APP: variants seen among roughly 807,000 people sequenced by gnomAD.
APP encodes amyloid-beta precursor protein.
A neutral mutation model predicts 101.4 loss-of-function variants in APP; 31 were observed. The ratio of observed to expected loss-of-function variants is 0.31; its 90% CI spans 0.23 to 0.41. APP has a LOEUF of 0.41. Among genes scored for constraint, APP ranks in the 10% least tolerant of loss-of-function variants. The probability of loss-of-function intolerance (pLI) is 1.00; values close to 1 mark genes in which losing one functional copy is unlikely to be tolerated. For synonymous variants in APP, 366 were observed against 364.4 expected (o/e 1.00, Z -0.05); for missense variants, 839 against 1,003.7 (o/e 0.84, Z 2.22).
intron 6 of APP, among the ~76,000 whole-genome samples, chr21:26,017,175 G>A (rs2044123829): frequency 8.8e-6 from 1 of 114,272 alleles, no homozygotes; most frequent in African/African-American, 3.6e-5. Flanking sequence ...CTCCAGCCTG[G>A]GTGACAGAGC....
At chr21:26,118,903 AAT>A (rs1007927821) in intron 1 of APP, among the ~76,000 whole-genome samples, 2 of 152,166 alleles carry the variant, frequency 1.3e-5, no homozygotes, top group South Asian at 2.1e-4. Flanking sequence ...ATGAAAAAAA[AAT>A]ATATATATAG....
chr21:26,070,937 A>G (rs1408598786), intron 3 of APP, among the ~76,000 whole-genome samples: 1 of 152,154 alleles, frequency 6.6e-6, no homozygotes, highest in African/African-American at 2.4e-5. Flanking sequence ...ATAGATGTAA[A>G]TGGAAATTTC....
intron 1 of APP, among the ~76,000 whole-genome samples, chr21:26,121,624 G>A (rs562566752): frequency 2.6e-5 from 4 of 152,180 alleles, no homozygotes; most frequent in South Asian, 2.1e-4. Flanking sequence ...CTGACCTCGT[G>A]AGCCACCGCG....
intron 6 of APP, among the ~76,000 whole-genome samples, chr21:26,002,666 T>C (rs1266482323): frequency 3.3e-5 from 5 of 152,212 alleles, no homozygotes; most frequent in Non-Finnish European, 7.3e-5. Context: ...ACCGTGGTCA[T>C]TGCTACCAAG....
chr21:26,062,129 G>A (rs974172903), intron 3 of APP, among the ~76,000 whole-genome samples: 2 of 151,822 alleles, frequency 1.3e-5, no homozygotes, highest in African/African-American at 4.8e-5. Context: ...AGAATCTCCC[G>A]AACCAGGGAG....
intron 1 of APP, among the ~76,000 whole-genome samples, chr21:26,166,815 A>ATTT (rs544158236): frequency 1.3e-4 from 19 of 151,576 alleles, no homozygotes; most frequent in African/African-American, 4.4e-4. Context: ...TCAACTCCTT[A>ATTT]TTTCAAATTC....
rs1420980669 is a variant in APP at position 26,008,340 on chromosome 21, CTGTT to C, written c.866-8162_866-8159del. ...GTGGTTTTTCCTCAACCTTTGTTTC[CTGTT>C]TGTTATGGGAATAAACTTGCTCTTC... On this transcript the variant is annotated intron_variant, in intron 6 of 17. Coordinates refer to ENST00000346798, the MANE Select transcript of APP (RefSeq NM_000484.4). Among the ~76,000 whole-genome samples, 5 of 152,244 alleles carry C rather than the reference CTGTT, an allele frequency of 3.3e-5. No homozygotes were observed. In the South Asian group the frequency reaches 1.0e-3, roughly 32 times the overall value.
chr21:25,977,784 A>G (rs1568796776), intron 9 of APP, among the ~76,000 whole-genome samples: 1 of 152,262 alleles, frequency 6.6e-6, no homozygotes, highest in Non-Finnish European at 1.5e-5. Flanking sequence ...ATGGAAGAAA[A>G]GAAACATATT....
At chr21:25,929,037 T>C (rs572464009) in intron 13 of APP, 2 of 152,332 alleles carry the variant, frequency 1.3e-5, no homozygotes, top group African/African-American at 2.4e-5. Context: ...TCATATCTTT[T>C]AAACATAAGT....
At chr21:26,069,015 G>A (rs2046570305) in intron 3 of APP, among the ~76,000 whole-genome samples, 1 of 152,196 alleles carries the variant, frequency 6.6e-6, no homozygotes, top group Non-Finnish European at 1.5e-5. Context: ...TCCTCATTGG[G>A]TCAAAGTCTT....
intron 8 of APP, among the ~76,000 whole-genome samples, chr21:25,995,705 T>C (rs2043027399): frequency 6.6e-6 from 1 of 152,252 alleles, no homozygotes; most frequent in Admixed American, 6.5e-5. Context: ...CTTGCTGTAC[T>C]TACAGTGTTT....
At chr21:26,140,203 G>A in intron 1 of APP, 1 of 1,536,094 alleles carries the variant, frequency 6.5e-7, no homozygotes, top group Non-Finnish European at 8.7e-7. Flanking sequence ...ATTTGAATCT[G>A]GGGAAGAGCT....
At chr21:26,063,184 G>A (rs538402667) in intron 3 of APP, among the ~76,000 whole-genome samples, 1 of 152,296 alleles carries the variant, frequency 6.6e-6, no homozygotes, top group South Asian at 2.1e-4. Flanking sequence ...TGTCCATGTG[G>A]TAATACGTTA....
chr21:25,896,535 C>T lies in APP; in HGVS notation c.2064+1038G>A, dbSNP rs528728623. ...CCACCACTGAATGTGATAAAATTGT[C>T]GTCTTCATTAATTTAACCCTCTTAC... is the stretch of plus-strand genomic sequence containing the variant. On this transcript the variant is annotated intron_variant, in intron 16 of 17. Transcript: ENST00000346798. Among the ~76,000 whole-genome samples, 83 of 152,176 alleles carry T rather than the reference C, an allele frequency of 5.5e-4. 2 individuals carry two copies. The South Asian group carries it at 0.014, about 26-fold the overall frequency.
chr21:26,018,477 T>A (rs1229730373), intron 6 of APP, among the ~76,000 whole-genome samples: 1 of 152,214 alleles, frequency 6.6e-6, no homozygotes, highest in Non-Finnish European at 1.5e-5. Context: ...TCACCTTTTG[T>A]AACAGTGAGG....
At chr21:26,054,633 T>TG (rs199597780) in intron 3 of APP, among the ~76,000 whole-genome samples, 6,653 of 145,936 alleles carry the variant, frequency 0.046, 217 homozygotes, top group Middle Eastern at 0.074. Context: ...TTTTTTTTTT[T>TG]TTTTTTTTTT....
At chr21:25,956,686 G>A (rs568992495) in intron 11 of APP, among the ~76,000 whole-genome samples, 1 of 152,168 alleles carries the variant, frequency 6.6e-6, no homozygotes, top group East Asian at 1.9e-4. Context: ...CTGAAAACCA[G>A]TTGGAAGGTA....
intron 15 of APP, 95 bp from the exon 16 acceptor site, chr21:25,897,768 C>T: frequency 9.7e-7 from 1 of 1,032,186 alleles, no homozygotes; most frequent in African/African-American, 1.6e-5. Flanking sequence ...AAACTTCTTT[C>T]TAGGCCTGAA....
At chr21:26,075,093 T>A (rs1031993397) in intron 3 of APP, among the ~76,000 whole-genome samples, 1 of 152,188 alleles carries the variant, frequency 6.6e-6, no homozygotes, top group African/African-American at 2.4e-5. Flanking sequence ...CTGCTCCACA[T>A]CTTCTGTCTT....
Sources: gnomAD v4.1 joint callset for allele counts (sites outside exome capture counted in the v4.1 genomes callset) on GRCh38, gnomAD v4.1.1 for gene constraint, MANE v1.5 for transcripts, NCBI Gene and HGNC (gene_info 2026-07-23, HGNC 2026-07-21) for gene names.